KCNB2: variants seen among roughly 807,000 people sequenced by gnomAD.
KCNB2 encodes the protein delayed rectifier potassium channel protein.
In KCNB2, 15 loss-of-function variants were observed where a neutral mutation model predicts 61.5. The ratio of observed to expected loss-of-function variants is 0.24; its 90% CI spans 0.16 to 0.38. KCNB2 has a LOEUF of 0.38. Among genes scored for constraint, KCNB2 ranks in the 10% least tolerant of loss-of-function variants. The pLI is 1.00. For synonymous variants in KCNB2, 457 were observed against 446.0 expected (o/e 1.02, Z -0.31); for missense variants, 828 against 1,125.2 (o/e 0.74, Z 3.78).
chr8:72,659,980 C>T (rs1489782641), intron 2 of KCNB2, among the ~76,000 whole-genome samples: 6 of 152,108 alleles, frequency 3.9e-5, no homozygotes, highest in Non-Finnish European at 8.8e-5. Flanking sequence ...CAAGGTATCC[C>T]TGTAAAATTA....
At chr8:72,614,490 A>G (rs186434729) in intron 2 of KCNB2, among the ~76,000 whole-genome samples, 182 of 152,316 alleles carry the variant, frequency 1.2e-3, no homozygotes, top group Non-Finnish European at 2.3e-3. Context: ...TCACCTGAGC[A>G]TATTGTTCTT....
chr8:72,777,139 C>T (rs1808669771), intron 2 of KCNB2, among the ~76,000 whole-genome samples: 1 of 152,164 alleles, frequency 6.6e-6, no homozygotes, highest in African/African-American at 2.4e-5. Flanking sequence ...CTTCTCTCTT[C>T]CTCTTTTTGT....
chr8:72,785,409 A>G (rs1306547094), intron 2 of KCNB2, among the ~76,000 whole-genome samples: 1 of 152,186 alleles, frequency 6.6e-6, no homozygotes, highest in African/African-American at 2.4e-5. Context: ...TGTCAAGTTC[A>G]TCCTTGGGAG....
chr8:72,928,681 G>GACACAC (rs10606839), intron 2 of KCNB2, among the ~76,000 whole-genome samples: 91 of 143,836 alleles, frequency 6.3e-4, no homozygotes, highest in Admixed American at 1.5e-3. Flanking sequence ...CACACACACA[G>GACACAC]ACACACACAC....
intron 2 of KCNB2, among the ~76,000 whole-genome samples, chr8:72,831,149 A>G (rs970054749): frequency 3.9e-5 from 6 of 152,350 alleles, no homozygotes; most frequent in African/African-American, 1.4e-4. Flanking sequence ...CCCAAGCCAC[A>G]GGCTTAGGCT....
chr8:72,866,130 A>C (rs1805513781), intron 2 of KCNB2, among the ~76,000 whole-genome samples: 2 of 152,212 alleles, frequency 1.3e-5, no homozygotes, highest in African/African-American at 4.8e-5. Context: ...AGGCCAACAA[A>C]AACATCTGAG....
Position 72,537,470 on chromosome 8 carries a change from C to A in KCNB2, c.-509C>A, listed in dbSNP as rs568151569. 1.3e-5 allele frequency: 2 copies of A among 152,588 alleles called. No individual in the cohort carries two copies. The highest frequency in any genetic ancestry group is 1.9e-4 in the South Asian group (1 of 5,162). The allele number at this position is 152,588 out of a possible 1,614,324, so 9.5% of individuals were successfully genotyped here. On this transcript the variant is annotated 5_prime_UTR_variant, in exon 1 of 3. Coordinates refer to ENST00000523207, the MANE Select transcript of KCNB2 (RefSeq NM_004770.3). ...GGCTCGCTTTCTGGCTCCTTCCGCG[C>A]GGCGAGCTCAGCCCCGCTCGATTTT...
intron 2 of KCNB2, chr8:72,874,758 T>C (rs1231159460): frequency 6.6e-6 from 1 of 152,270 alleles, no homozygotes; most frequent in Non-Finnish European, 1.5e-5. Context: ...AGGGCTGGCC[T>C]AACTGTGACA....
intron 2 of KCNB2, among the ~76,000 whole-genome samples, chr8:72,746,636 T>C (rs559431939): frequency 6.6e-6 from 1 of 152,256 alleles, no homozygotes; most frequent in East Asian, 1.9e-4. Flanking sequence ...CTTCTGTGCT[T>C]CCCGACATGT....
rs537392243 is a variant in KCNB2, at chr8:72,747,701, A to G, written c.579+179388A>G. Among the ~76,000 whole-genome samples the G allele has an allele frequency of 6.6e-5, 10 of 152,338 alleles. No homozygotes were observed. In the South Asian group the frequency reaches 1.9e-3, roughly 28 times the overall value. On this transcript the variant is annotated intron_variant, in intron 2 of 2. Transcript: ENST00000523207. Reference sequence around the variant, plus strand: ...GATTCTGTAGGTTCTGTATCAATAAAACCCCTTGACTTTGCAAATCCAAAA... The same window carrying G: ...GATTCTGTAGGTTCTGTATCAATAAGACCCCTTGACTTTGCAAATCCAAAA...
intron 2 of KCNB2, among the ~76,000 whole-genome samples, chr8:72,902,261 G>C (rs1365354750): frequency 6.6e-6 from 1 of 152,118 alleles, no homozygotes; most frequent in Admixed American, 6.6e-5. Context: ...AGCTAAAAGG[G>C]CCTAAATAGA....
At chr8:72,928,473 G>A (rs1331305984) in intron 2 of KCNB2, among the ~76,000 whole-genome samples, 1 of 152,086 alleles carries the variant, frequency 6.6e-6, no homozygotes, top group Non-Finnish European at 1.5e-5. Flanking sequence ...TGGGGTTACA[G>A]GCATGAGCCA....
intron 2 of KCNB2, among the ~76,000 whole-genome samples, chr8:72,631,409 A>G (rs1209847326): frequency 1.3e-5 from 2 of 152,062 alleles, no homozygotes; most frequent in South Asian, 2.1e-4. Context: ...CTTAACATTC[A>G]TTGGCTTTTG....
intron 2 of KCNB2, among the ~76,000 whole-genome samples, chr8:72,762,358 A>T (rs1808395879): frequency 6.6e-6 from 1 of 152,258 alleles, no homozygotes; most frequent in Non-Finnish European, 1.5e-5. Flanking sequence ...ACATGTTTAG[A>T]CAAATTGCCT....
chr8:72,903,705 A>G (rs548879231), intron 2 of KCNB2, among the ~76,000 whole-genome samples: 3 of 152,224 alleles, frequency 2.0e-5, no homozygotes, highest in Non-Finnish European at 4.4e-5. Flanking sequence ...ATCCAATGTC[A>G]TCTACGGAAA....
At chr8:72,726,243 G>A (rs1399035522) in intron 2 of KCNB2, among the ~76,000 whole-genome samples, 1 of 152,184 alleles carries the variant, frequency 6.6e-6, no homozygotes, top group East Asian at 1.9e-4. Context: ...ATAGCAGGTT[G>A]GTGGCCAATC....
At chr8:72,657,943 A>G (rs939289976) in intron 2 of KCNB2, among the ~76,000 whole-genome samples, 7 of 152,148 alleles carry the variant, frequency 4.6e-5, no homozygotes, top group Non-Finnish European at 7.3e-5. Context: ...TGACTGCTCC[A>G]TCGATCAGCT....
chr8:72,705,925 T>C (rs1425254390), intron 2 of KCNB2, among the ~76,000 whole-genome samples: 1 of 152,202 alleles, frequency 6.6e-6, no homozygotes, highest in Non-Finnish European at 1.5e-5. Flanking sequence ...TTCAGACTTA[T>C]AGAGACAAGA....
At chr8:72,794,208 T>C (rs1808988904) in intron 2 of KCNB2, among the ~76,000 whole-genome samples, 1 of 152,162 alleles carries the variant, frequency 6.6e-6, no homozygotes, top group Non-Finnish European at 1.5e-5. Context: ...GTTGCAGGCA[T>C]AGTTACAAGT....
Sources: allele counts gnomAD v4.1 joint callset (sites outside exome capture counted in the v4.1 genomes callset), GRCh38; gene constraint gnomAD v4.1.1; transcripts MANE v1.5; gene names NCBI Gene and HGNC (gene_info 2026-07-23, HGNC 2026-07-21).